Variants in TRPC5 observed in about 807,000 individuals in gnomAD.
TRPC5 encodes transient receptor potential cation channel subfamily C member 5.
In TRPC5, 9 loss-of-function variants were observed where a neutral mutation model predicts 56.5. The ratio of observed to expected loss-of-function variants is 0.16; its 90% CI spans 0.10 to 0.28. TRPC5 has a LOEUF of 0.28. Among genes scored for constraint, TRPC5 ranks in the 10% least tolerant of loss-of-function variants. The pLI, the probability that TRPC5 is intolerant of heterozygous loss-of-function variation, is 1.00. For missense variants in TRPC5, 469 were observed against 748.9 expected, an observed-to-expected ratio of 0.63 and a Z score of 4.36; for synonymous variants, 282 against 278.5, an observed-to-expected ratio of 1.01 and a Z score of -0.13.
chrX:111,970,140 A>G (rs2148648004), intron 1 of TRPC5, among the ~76,000 whole-genome samples: 1 of 111,539 alleles, frequency 9.0e-6, no homozygotes, highest in African/African-American at 3.3e-5. Flanking sequence ...CAGTGCTGCT[A>G]TCTGTGTGAC....
At chrX:112,038,892 G>C (rs1929823966) in intron 1 of TRPC5, among the ~76,000 whole-genome samples, 1 of 101,442 alleles carries the variant, frequency 9.9e-6, no homozygotes, top group Admixed American at 1.1e-4. Flanking sequence ...GAGTTTCACC[G>C]TGTTAGCCAG....
At chrX:111,974,468 A>G (rs1353994575) in intron 1 of TRPC5, among the ~76,000 whole-genome samples, 1 of 112,273 alleles carries the variant, frequency 8.9e-6, no homozygotes, top group East Asian at 2.8e-4. Flanking sequence ...ACTTTTCAGA[A>G]CTCTGGAAAT....
intron 2 of TRPC5, chrX:111,930,928 C>T (rs1318847144): frequency 7.2e-6 from 1 of 139,237 alleles, no homozygotes; most frequent in East Asian, 1.7e-4. Flanking sequence ...CAATCACATG[C>T]TTAGAGGTAA....
intron 1 of TRPC5, among the ~76,000 whole-genome samples, chrX:112,030,499 T>C (rs1929560680): frequency 8.9e-6 from 1 of 112,123 alleles, no homozygotes; most frequent in African/African-American, 3.2e-5. Flanking sequence ...GCTCAAATGA[T>C]TGTGATGAAT....
At chrX:112,021,280 C>T (rs1463874412) in intron 1 of TRPC5, among the ~76,000 whole-genome samples, 1 of 111,282 alleles carries the variant, frequency 9.0e-6, no homozygotes, top group Non-Finnish European at 1.9e-5. Context: ...CAAATGATGT[C>T]CACTATGTCA....
chrX:111,916,639 G>A (rs1925985075), intron 2 of TRPC5, among the ~76,000 whole-genome samples: 1 of 112,242 alleles, frequency 8.9e-6, no homozygotes, highest in East Asian at 2.8e-4. Context: ...GTGAATGATA[G>A]AAACTGGTAA....
intron 3 of TRPC5, among the ~76,000 whole-genome samples, chrX:111,905,965 A>G (rs1025408170): frequency 2.7e-5 from 3 of 110,093 alleles, no homozygotes; most frequent in African/African-American, 1.0e-4. Flanking sequence ...CATCTCAAAG[A>G]TAATTTTAAG....
intron 1 of TRPC5, among the ~76,000 whole-genome samples, chrX:111,991,453 G>A (rs928352148): frequency 1.8e-5 from 2 of 111,976 alleles, no homozygotes; most frequent in Non-Finnish European, 3.8e-5. Flanking sequence ...AGATTTAGAC[G>A]AATGGGGGAC....
chrX:111,866,868 G>A (rs1923565211), intron 3 of TRPC5, among the ~76,000 whole-genome samples: 2 of 112,297 alleles, frequency 1.8e-5, no homozygotes, highest in Non-Finnish European at 1.9e-5. Flanking sequence ...ACTCAAGGCA[G>A]AATAGAATTT....
intron 7 of TRPC5, among the ~76,000 whole-genome samples, chrX:111,798,415 G>C (rs1921179929): frequency 8.9e-6 from 1 of 111,989 alleles, no homozygotes; most frequent in Non-Finnish European, 1.9e-5. Context: ...AGTAAAAAGT[G>C]ATCTCTTGTG....
At chrX:112,037,279 T>C (rs956953175) in intron 1 of TRPC5, among the ~76,000 whole-genome samples, 4 of 111,576 alleles carry the variant, frequency 3.6e-5, no homozygotes, top group Non-Finnish European at 5.6e-5. Flanking sequence ...TTATCCTTTT[T>C]TCACAGTTCA....
At position 111,905,793 on chromosome X, in the gene TRPC5, T is replaced by C. The variant is rs752746106; in HGVS notation, c.900+6498A>G. Among the ~76,000 whole-genome samples the C allele has an allele frequency of 1.8e-3, 193 of 108,557 alleles. 1 individual carries two copies. Among genetic ancestry groups the C allele is most frequent in the Admixed American group, 3.1e-3 (32 of 10,186 alleles). The allele number at this position is 108,557 out of a possible 115,157, so 94.3% of individuals were successfully genotyped here. On this transcript the variant is annotated intron_variant, in intron 3 of 10. Transcript: ENST00000262839. ...AGCTGGGCGTGGTGGCGGGCGCCTGTAGTCCCAGCTACTCAGGAGGCTGAG... is the reference window on the plus strand; with the variant it reads ...AGCTGGGCGTGGTGGCGGGCGCCTGCAGTCCCAGCTACTCAGGAGGCTGAG...
At chrX:111,990,243 C>T (rs762078220) in intron 1 of TRPC5, among the ~76,000 whole-genome samples, 1 of 110,582 alleles carries the variant, frequency 9.0e-6, no homozygotes, top group South Asian at 3.9e-4. Context: ...CAAGGTGAAA[C>T]ACTGTCTCTA....
chrX:111,966,653 T>C (rs1428771186), intron 1 of TRPC5, among the ~76,000 whole-genome samples: 1 of 111,973 alleles, frequency 8.9e-6, no homozygotes, highest in African/African-American at 3.2e-5. Flanking sequence ...GCTTCATCTC[T>C]GGGATGCAAG....
rs1354403819 is a variant in TRPC5, at chrX:111,966,472, C to G, written c.-21-14031G>C. Among the ~76,000 whole-genome samples the G allele has an allele frequency of 4.8e-4, 53 of 111,156 alleles. 1 individual carries two copies. Among genetic ancestry groups the G allele is most frequent in the African/African-American group, 1.7e-3 (53 of 30,588 alleles). The stretch of plus-strand genomic sequence containing the variant: ...GAAAAAGAGGGAATCCTCCCTAACT[C>G]ATTTGATGAGGCCAGCATCATCCTG... On this transcript the variant is annotated intron_variant, in intron 1 of 10. Transcript: ENST00000262839.
In TRPC5 at chrX:111,824,545, A is replaced by G. The variant is rs1424028493; in HGVS notation, c.1896+10376T>C. On this transcript the variant is annotated intron_variant, in intron 7 of 10. Transcript: ENST00000262839. Reference sequence around the variant, plus strand: ...TACTGACTTCTTTAAGCCTTAGTGAATGAGAAAGAGCTCAGTTTGGGCCTA... The same window carrying G: ...TACTGACTTCTTTAAGCCTTAGTGAGTGAGAAAGAGCTCAGTTTGGGCCTA... 4.5e-5 allele frequency among the ~76,000 whole-genome samples: 5 copies of G among 111,651 alleles called. No homozygotes were observed. In the South Asian group the frequency reaches 1.9e-3, roughly 43 times the overall value.
At chrX:111,977,848 C>A (rs1044294352) in intron 1 of TRPC5, among the ~76,000 whole-genome samples, 1 of 111,320 alleles carries the variant, frequency 9.0e-6, no homozygotes, top group Non-Finnish European at 1.9e-5. Flanking sequence ...CGCAGATGGC[C>A]AACAGGCATA....
intron 5 of TRPC5, among the ~76,000 whole-genome samples, chrX:111,850,034 G>A (rs1923040518): frequency 8.9e-6 from 1 of 111,973 alleles, no homozygotes; most frequent in Non-Finnish European, 1.9e-5. Context: ...ACAGCCTAAT[G>A]TGGGGACTCA....
intron 1 of TRPC5, among the ~76,000 whole-genome samples, chrX:112,064,770 T>C (rs1930539491): frequency 8.9e-6 from 1 of 112,342 alleles, no homozygotes. Flanking sequence ...TCATGATCTG[T>C]GTGAGTTTAA....
Sources: gnomAD v4.1 joint callset for allele counts (sites outside exome capture counted in the v4.1 genomes callset) on GRCh38, gnomAD v4.1.1 for gene constraint, MANE v1.5 for transcripts, NCBI Gene and HGNC (gene_info 2026-07-23, HGNC 2026-07-21) for gene names.